The following TMEM200A variants were observed in gnomAD, a reference collection of about 807,000 sequenced individuals.
TMEM200A encodes the protein two transmembrane C.
Under a neutral mutation model 24.3 loss-of-function variants are expected in TMEM200A, and 12 were observed. The observed-to-expected ratio is 0.49, with a 90% CI of 0.32 to 0.80. The LOEUF (loss-of-function observed/expected upper bound fraction) is 0.80. TMEM200A is among the 30% of genes least tolerant of loss of function. TMEM200A has a pLI of 0.04. For synonymous variants in TMEM200A, 224 were observed against 224.4 expected (o/e 1.00, Z 0.02); for missense variants, 545 against 614.4 (o/e 0.89, Z 1.19).
At chr6:130,411,951 T>G (rs1779340059) in intron 2 of TMEM200A, among the ~76,000 whole-genome samples, 1 of 152,202 alleles carries the variant, frequency 6.6e-6, no homozygotes, top group African/African-American at 2.4e-5. Flanking sequence ...CGTTTGTTTG[T>G]TTATATTATT....
intron 2 of TMEM200A, among the ~76,000 whole-genome samples, chr6:130,436,630 CCTTTTTTTTTTTTTTTT>C (rs1431192147): frequency 4.5e-5 from 3 of 66,778 alleles, no homozygotes; most frequent in East Asian, 5.1e-4. Flanking sequence ...TTTTCTTTAT[CCTTTTTTTTTTTTTTTT>C]TTTTTTTTTT....
chr6:130,423,227 A>G (rs922694160), intron 2 of TMEM200A, among the ~76,000 whole-genome samples: 5 of 152,168 alleles, frequency 3.3e-5, no homozygotes, highest in Non-Finnish European at 7.4e-5. Context: ...TTGTTACTAC[A>G]GGGACATTTG....
intron 1 of TMEM200A, among the ~76,000 whole-genome samples, chr6:130,372,426 T>C (rs1041205768): frequency 6.6e-6 from 1 of 152,074 alleles, no homozygotes; most frequent in Non-Finnish European, 1.5e-5. Context: ...GCAAGTCAGA[T>C]GTTTGGAAGG....
chr6:130,414,451 A>T (rs886727627), intron 2 of TMEM200A, among the ~76,000 whole-genome samples: 2 of 149,162 alleles, frequency 1.3e-5, no homozygotes, highest in African/African-American at 5.1e-5. Context: ...AAAAAAAAAA[A>T]GCTGCAATAT....
chr6:130,392,732 T>C (rs1306141528), intron 2 of TMEM200A, among the ~76,000 whole-genome samples: 1 of 152,200 alleles, frequency 6.6e-6, no homozygotes, highest in African/African-American at 2.4e-5. Context: ...TTTCTTCATC[T>C]TACAAGCAAC....
chr6:130,440,855 G>C lies in TMEM200A; in HGVS notation c.433G>C (p.Ala145Pro), dbSNP rs1163490293. The change falls in exon 3 of 3, where the codon GCC (alanine) becomes CCC (proline). Residue 145 changes from alanine to proline, a missense_variant. Physicochemically the swap from Ala to Pro is conservative, Grantham distance 27. Transcript: ENST00000296978. ...IGIFIFICAN[A>P]ILHENRDKET... ...CATTTTCATTTTCATTTGTGCTAAT[G>C]CCATTCTTCATGAAAACCGTGACAA... The C allele has an allele frequency of 6.2e-7, 1 of 1,614,002 alleles. No homozygotes were observed. The highest frequency in any genetic ancestry group is 8.5e-7 in the Non-Finnish European group (1 of 1,179,976).
At chr6:130,408,542 A>G (rs1043388981) in intron 2 of TMEM200A, among the ~76,000 whole-genome samples, 1 of 152,174 alleles carries the variant, frequency 6.6e-6, no homozygotes, top group South Asian at 2.1e-4. Flanking sequence ...TTGAAAGGTC[A>G]AGGGAACAAA....
chr6:130,412,463 T>TAACA (rs761802093), intron 2 of TMEM200A, among the ~76,000 whole-genome samples: 13 of 152,114 alleles, frequency 8.5e-5, no homozygotes, highest in African/African-American at 2.7e-4. Flanking sequence ...TCTCAGATTC[T>TAACA]AACACCTTGT....
intron 1 of TMEM200A, among the ~76,000 whole-genome samples, chr6:130,378,905 T>C (rs1778531715): frequency 6.6e-6 from 1 of 152,164 alleles, no homozygotes; most frequent in African/African-American, 2.4e-5. Flanking sequence ...GGCTGGATTA[T>C]TAGAGTGCTG....
At chr6:130,365,967 C>T, upstream of TMEM200A, 5 of 973,756 alleles carry the variant, frequency 5.1e-6, no homozygotes, top group Non-Finnish European at 6.0e-6. Context: ...GCCCCCGCCC[C>T]CAACCCGCCT....
chr6:130,424,954 A>AAAAC (rs1214019512), intron 2 of TMEM200A, among the ~76,000 whole-genome samples: 2 of 152,004 alleles, frequency 1.3e-5, no homozygotes, highest in African/African-American at 4.8e-5. Flanking sequence ...CCTTTCTTTG[A>AAAAC]AAACAGCTTG....
rs566214403 is a variant in TMEM200A at position 130,415,761 on chromosome 6, T to C, written c.-16-24646T>C. Among the ~76,000 whole-genome samples, 5 of 152,270 alleles carry C rather than the reference T, an allele frequency of 3.3e-5. No individual in the cohort carries two copies. The South Asian group carries it at 1.0e-3, about 32-fold the overall frequency. ...AAACCTAAAAGAAAAATCTGTGATA[T>C]GATGTGTAGCTGAATTATTGTGCTA... On this transcript the variant is annotated intron_variant, in intron 2 of 2. Coordinates refer to ENST00000296978, the MANE Select transcript of TMEM200A (RefSeq NM_001258277.2).
chr6:130,384,863 T>G (rs1017250149), intron 1 of TMEM200A, among the ~76,000 whole-genome samples: 1 of 152,210 alleles, frequency 6.6e-6, no homozygotes, highest in African/African-American at 2.4e-5. Context: ...TTTAGAAGTT[T>G]GAGGATGTTA....
intron 2 of TMEM200A, among the ~76,000 whole-genome samples, chr6:130,436,260 C>G (rs1279053433): frequency 6.6e-6 from 1 of 152,036 alleles, no homozygotes; most frequent in Non-Finnish European, 1.5e-5. Flanking sequence ...ATTGTGAGAA[C>G]AAATGTTTTT....
At chr6:130,412,284 C>T (rs1462425480) in intron 2 of TMEM200A, among the ~76,000 whole-genome samples, 1 of 151,782 alleles carries the variant, frequency 6.6e-6, no homozygotes, top group Non-Finnish European at 1.5e-5. Flanking sequence ...TGCCGCCACT[C>T]ACAGGCCCTC....
chr6:130,429,383 A>C (rs1779822144), intron 2 of TMEM200A, among the ~76,000 whole-genome samples: 2 of 152,082 alleles, frequency 1.3e-5, no homozygotes, highest in Non-Finnish European at 2.9e-5. Flanking sequence ...TTAGCCAGGC[A>C]TGGTGTCATG....
Position 130,440,721 on chromosome 6 carries a change from A to G in TMEM200A, c.299A>G (p.Asn100Ser). 6.2e-7 allele frequency: 1 copy of G among 1,614,112 alleles called. No individual in the cohort carries two copies. Among genetic ancestry groups the G allele is most frequent in the Non-Finnish European group, 8.5e-7 (1 of 1,179,992 alleles). The change falls in exon 3 of 3, where the codon AAT becomes AGT. Residue 100 changes from asparagine to serine, a missense_variant. Transcript: ENST00000296978. ...GATGCTGAAACAACACTGTCAACAA[A>G]TGAAACTCAGGTCATTCGGAATGAA... ...FIDAETTLSTNETQVIRNEGG... is the reference protein window; with the variant it reads ...FIDAETTLSTSETQVIRNEGG...
intron 2 of TMEM200A, among the ~76,000 whole-genome samples, chr6:130,397,616 T>C (rs560655418): frequency 6.7e-6 from 1 of 148,904 alleles, no homozygotes; most frequent in African/African-American, 2.6e-5. Context: ...TGTTTTAAAT[T>C]TGTGGTTTTT....
At chr6:130,387,452 TA>T (rs1390078754) in intron 2 of TMEM200A, among the ~76,000 whole-genome samples, 1 of 152,176 alleles carries the variant, frequency 6.6e-6, no homozygotes, top group African/African-American at 2.4e-5. Context: ...TTTGAATTTT[TA>T]GTTGAGATGG....
Sources: allele counts gnomAD v4.1 joint callset (sites outside exome capture counted in the v4.1 genomes callset), GRCh38; gene constraint gnomAD v4.1.1; transcripts MANE v1.5; gene names NCBI Gene and HGNC (gene_info 2026-07-23, HGNC 2026-07-21).